The following TBC1D22A variants were observed in gnomAD, a reference collection of about 807,000 sequenced individuals.
TBC1D22A encodes the protein putative GTPase activator.
TBC1D22A carries 38 observed loss-of-function variants against 60.2 expected under a neutral mutation model. That is an observed-to-expected ratio of 0.63 (90% CI 0.49 to 0.83). The LOEUF (loss-of-function observed/expected upper bound fraction) is 0.83. TBC1D22A is among the 40% of genes least tolerant of loss of function. TBC1D22A has a pLI of 0.00. For missense variants in TBC1D22A, 628 were observed against 701.0 expected (o/e 0.90, Z 1.18); for synonymous variants, 302 against 281.7 (o/e 1.07, Z -0.72).
Position 46,765,619 on chromosome 22 carries a change from G to C in TBC1D22A, c.62+2771G>C, listed in dbSNP as rs182787505. Among the ~76,000 whole-genome samples the C allele has an allele frequency of 3.3e-3, 502 of 151,192 alleles. 4 individuals carry two copies. Among genetic ancestry groups the C allele is most frequent in the African/African-American group, 0.012 (475 of 41,162 alleles). Reference sequence around the variant, plus strand: ...TAGCTGGGATTACAGGCGCCCACCAGCACGCCTGTCTGTTTTTTTGTATTT... The same window carrying C: ...TAGCTGGGATTACAGGCGCCCACCACCACGCCTGTCTGTTTTTTTGTATTT... On this transcript the variant is annotated intron_variant, in intron 1 of 12. Transcript: ENST00000337137.
chr22:47,105,643 C>T (rs145110305), intron 11 of TBC1D22A, among the ~76,000 whole-genome samples: 181 of 152,280 alleles, frequency 1.2e-3, no homozygotes, highest in African/African-American at 4.0e-3. Flanking sequence ...TTGGGGGAGC[C>T]CCCGTTCATG....
At chr22:47,026,543 A>G (rs1057503197) in intron 10 of TBC1D22A, among the ~76,000 whole-genome samples, 3 of 152,250 alleles carry the variant, frequency 2.0e-5, no homozygotes, top group African/African-American at 7.2e-5. Flanking sequence ...TAGAAAGAAC[A>G]AGAGTTTAGC....
At chr22:47,022,596 T>C (rs2062127665) in intron 10 of TBC1D22A, among the ~76,000 whole-genome samples, 1 of 151,090 alleles carries the variant, frequency 6.6e-6, no homozygotes, top group Non-Finnish European at 1.5e-5. Flanking sequence ...ACCAAAGCTC[T>C]GCACGGGTTC....
chr22:46,766,171 A>G (rs554716294), intron 1 of TBC1D22A, among the ~76,000 whole-genome samples: 4 of 151,514 alleles, frequency 2.6e-5, no homozygotes, highest in Admixed American at 6.6e-5. Context: ...CTAATTTTTT[A>G]TATTTTTGGT....
intron 4 of TBC1D22A, among the ~76,000 whole-genome samples, chr22:46,837,131 C>T (rs1340989842): frequency 6.6e-6 from 1 of 151,706 alleles, no homozygotes; most frequent in Non-Finnish European, 1.5e-5. Flanking sequence ...TCTCAAGAAA[C>T]AAAAAAAGTG....
intron 12 of TBC1D22A, among the ~76,000 whole-genome samples, chr22:47,131,675 G>A (rs565086977): frequency 1.3e-5 from 2 of 152,344 alleles, no homozygotes; most frequent in Admixed American, 6.5e-5. Flanking sequence ...GACAGTGGGG[G>A]TCAGAGCCTG....
intron 8 of TBC1D22A, among the ~76,000 whole-genome samples, chr22:46,941,822 A>G (rs865986197): frequency 2.8e-4 from 34 of 120,688 alleles, no homozygotes; most frequent in Non-Finnish European, 4.9e-4. Context: ...ATATATATAG[A>G]ATATATAGAA....
At chr22:46,899,143 A>G (rs1031762519) in intron 7 of TBC1D22A, among the ~76,000 whole-genome samples, 1 of 152,048 alleles carries the variant, frequency 6.6e-6, no homozygotes, top group East Asian at 1.9e-4. Context: ...GGGCTTTAGG[A>G]AAGTATTGAA....
chr22:47,034,009 G>A (rs2062573520), intron 10 of TBC1D22A, among the ~76,000 whole-genome samples: 1 of 152,222 alleles, frequency 6.6e-6, no homozygotes, highest in South Asian at 2.1e-4. Flanking sequence ...ATTAAATTCT[G>A]CGGGGGCTTC....
intron 12 of TBC1D22A, among the ~76,000 whole-genome samples, chr22:47,136,167 C>A (rs1004437384): frequency 2.0e-5 from 3 of 152,240 alleles, no homozygotes; most frequent in African/African-American, 4.8e-5. Flanking sequence ...CCACCACGTC[C>A]CCTGAGGCCT....
chr22:46,968,842 G>A (rs2073934988), intron 8 of TBC1D22A, among the ~76,000 whole-genome samples: 1 of 152,194 alleles, frequency 6.6e-6, no homozygotes, highest in African/African-American at 2.4e-5. Context: ...ATGTCTCCAT[G>A]TGGTTTTCTC....
At chr22:47,016,918 C>G (rs1238429856) in intron 10 of TBC1D22A, among the ~76,000 whole-genome samples, 1 of 152,222 alleles carries the variant, frequency 6.6e-6, no homozygotes, top group African/African-American at 2.4e-5. Flanking sequence ...GCGAGCCTCC[C>G]ACTGCTCTCA....
chr22:46,801,677 G>A (rs1197509374), intron 4 of TBC1D22A, among the ~76,000 whole-genome samples: 1 of 152,254 alleles, frequency 6.6e-6, no homozygotes, highest in African/African-American at 2.4e-5. Context: ...CAGCAGTGGG[G>A]CCTCGGAGGG....
intron 11 of TBC1D22A, among the ~76,000 whole-genome samples, chr22:47,086,979 C>T (rs1220714792): frequency 1.3e-5 from 2 of 152,238 alleles, no homozygotes; most frequent in South Asian, 4.1e-4. Context: ...AGCTGTTCTA[C>T]ACCTGCCACC....
At chr22:46,867,246 C>T (rs978883336) in intron 4 of TBC1D22A, among the ~76,000 whole-genome samples, 1 of 152,194 alleles carries the variant, frequency 6.6e-6, no homozygotes, top group Non-Finnish European at 1.5e-5. Context: ...AGATGTTTAG[C>T]ACGAAGGATG....
chr22:46,787,340 G>C (rs191715941), intron 1 of TBC1D22A, among the ~76,000 whole-genome samples: 21 of 152,194 alleles, frequency 1.4e-4, no homozygotes, highest in Non-Finnish European at 2.6e-4. Context: ...CTGTGTCTCC[G>C]TGGAGTCCTG....
intron 7 of TBC1D22A, among the ~76,000 whole-genome samples, chr22:46,909,624 C>T (rs1176468282): frequency 2.6e-5 from 4 of 152,198 alleles, no homozygotes; most frequent in African/African-American, 9.7e-5. Context: ...GAGTCACCGC[C>T]TCTGTGTCAT....
intron 12 of TBC1D22A, among the ~76,000 whole-genome samples, chr22:47,156,267 G>A (rs955686548): frequency 5.9e-5 from 9 of 152,240 alleles, no homozygotes; most frequent in African/African-American, 1.9e-4. Context: ...TGGCTTCCAC[G>A]TGAAGATGTC....
intron 9 of TBC1D22A, among the ~76,000 whole-genome samples, chr22:46,985,055 A>G (rs2074670681): frequency 6.6e-6 from 1 of 152,208 alleles, no homozygotes; most frequent in Admixed American, 6.5e-5. Context: ...AGCCTCTGCC[A>G]TGAGCTCAGG....
Sources: gnomAD v4.1 joint callset for allele counts (sites outside exome capture counted in the v4.1 genomes callset) on GRCh38, gnomAD v4.1.1 for gene constraint, MANE v1.5 for transcripts, NCBI Gene and HGNC (gene_info 2026-07-23, HGNC 2026-07-21) for gene names.